The following NPAS3 variants were observed in gnomAD, a reference collection of about 807,000 sequenced individuals.
The protein encoded by NPAS3 is neuronal PAS domain protein 3.
In NPAS3, 14 loss-of-function variants were observed where a neutral mutation model predicts 73.1. That is an observed-to-expected ratio of 0.19 (90% confidence interval 0.13 to 0.30). The LOEUF (loss-of-function observed/expected upper bound fraction) is 0.30. Among genes scored for constraint, NPAS3 ranks in the 10% least tolerant of loss-of-function variants. The pLI, the probability that NPAS3 is intolerant of heterozygous loss-of-function variation, is 1.00. For missense variants in NPAS3, 1,096 were observed against 1,250.0 expected, an observed-to-expected ratio of 0.88 and a Z score of 1.86; for synonymous variants, 620 against 541.5, an observed-to-expected ratio of 1.14 and a Z score of -2.01.
intron 1 of NPAS3, among the ~76,000 whole-genome samples, chr14:33,010,061 T>C (rs1233888515): frequency 6.6e-6 from 1 of 152,158 alleles, no homozygotes; most frequent in East Asian, 1.9e-4. Flanking sequence ...CATGGAACAG[T>C]GTCAGGCAAA....
intron 4 of NPAS3, among the ~76,000 whole-genome samples, chr14:33,532,811 A>C (rs1211157028): frequency 6.6e-6 from 1 of 152,142 alleles, no homozygotes; most frequent in East Asian, 1.9e-4. Context: ...ATAAGGTCTC[A>C]TTCTGCTTCA....
intron 4 of NPAS3, among the ~76,000 whole-genome samples, chr14:33,458,111 G>A (rs919637722): frequency 6.6e-6 from 1 of 152,196 alleles, no homozygotes; most frequent in Non-Finnish European, 1.5e-5. Flanking sequence ...ACCCTGGCCT[G>A]CCCGGTTGTC....
intron 4 of NPAS3, among the ~76,000 whole-genome samples, chr14:33,550,481 A>T (rs1301702826): frequency 6.6e-6 from 1 of 152,234 alleles, no homozygotes; most frequent in Admixed American, 6.5e-5. Context: ...ATAAAAATCT[A>T]TAATCTTTTT....
At chr14:33,161,296 C>T (rs1369767014) in intron 2 of NPAS3, among the ~76,000 whole-genome samples, 1 of 152,144 alleles carries the variant, frequency 6.6e-6, no homozygotes. Context: ...CTTTGCTTAA[C>T]ATTATGATTA....
chr14:33,030,463 AT>A (rs2039950366), intron 1 of NPAS3, among the ~76,000 whole-genome samples: 2 of 152,214 alleles, frequency 1.3e-5, no homozygotes, highest in South Asian at 4.1e-4. Flanking sequence ...ATCTCATTTT[AT>A]TCCCCAAAGA....
intron 4 of NPAS3, among the ~76,000 whole-genome samples, chr14:33,517,964 C>T (rs1019679927): frequency 5.9e-5 from 9 of 152,052 alleles, no homozygotes; most frequent in African/African-American, 1.9e-4. Context: ...AATATAGGTG[C>T]CCTCCTGCCA....
intron 6 of NPAS3, among the ~76,000 whole-genome samples, chr14:33,682,868 G>A (rs371439112): frequency 1.6e-4 from 24 of 152,264 alleles, no homozygotes; most frequent in Admixed American, 9.8e-4. Flanking sequence ...CTCCTGGCCC[G>A]ATAGCTGAGC....
intron 4 of NPAS3, among the ~76,000 whole-genome samples, chr14:33,409,234 C>T (rs866533928): frequency 3.3e-5 from 5 of 151,998 alleles, no homozygotes; most frequent in African/African-American, 9.7e-5. Flanking sequence ...TGAGATGGTA[C>T]AGAAGGATAG....
At chr14:33,722,280 A>G (rs907334558) in intron 6 of NPAS3, among the ~76,000 whole-genome samples, 9 of 152,186 alleles carry the variant, frequency 5.9e-5, no homozygotes, top group African/African-American at 2.2e-4. Context: ...TGTTTTGCCC[A>G]TGGTTTGAGA....
downstream of NPAS3, chr14:33,803,666 A>G (rs2063765904): frequency 1.3e-5 from 2 of 151,792 alleles, no homozygotes; most frequent in Admixed American, 1.3e-4. Flanking sequence ...CTAACAGATA[A>G]TCACAGCTGC....
intron 6 of NPAS3, among the ~76,000 whole-genome samples, chr14:33,721,560 A>G (rs1026277464): frequency 6.6e-6 from 1 of 152,224 alleles, no homozygotes; most frequent in African/African-American, 2.4e-5. Context: ...AGTTAACATT[A>G]GTAGTAATCA....
intron 3 of NPAS3, among the ~76,000 whole-genome samples, chr14:33,307,978 T>C (rs1379309281): frequency 6.6e-6 from 1 of 152,156 alleles, no homozygotes; most frequent in Non-Finnish European, 1.5e-5. Flanking sequence ...TGCTGTCTGC[T>C]CTGCGACTTG....
upstream of NPAS3, among the ~76,000 whole-genome samples, chr14:32,938,332 C>A (rs1006107638): frequency 1.3e-5 from 2 of 151,974 alleles, no homozygotes; most frequent in Non-Finnish European, 2.9e-5. Context: ...CTGTGGCCTC[C>A]CAGTTCCTTT....
rs1386857789 is a variant in NPAS3 at position 33,181,600 on chromosome 14, T to G, written c.141-33582T>G. ...ATCTTTGAAAAATTTAGTAGTTGGG[T>G]AGATGATGCCCCATAATGCTTTTAT... On this transcript the variant is annotated intron_variant, in intron 2 of 11. Transcript: ENST00000356141. Among the ~76,000 whole-genome samples, 6 of 152,218 alleles carry G rather than the reference T, an allele frequency of 3.9e-5. No homozygotes were observed. In the East Asian group the frequency reaches 9.6e-4, roughly 24 times the overall value.
intron 11 of NPAS3, among the ~76,000 whole-genome samples, chr14:33,798,119 C>T (rs2063567543): frequency 6.6e-6 from 1 of 152,120 alleles, no homozygotes; most frequent in Non-Finnish European, 1.5e-5. Flanking sequence ...TTCACATTCC[C>T]ACCAAGCTGG....
intron 1 of NPAS3, among the ~76,000 whole-genome samples, chr14:33,045,512 T>G (rs1220575623): frequency 6.6e-6 from 1 of 152,250 alleles, no homozygotes; most frequent in Non-Finnish European, 1.5e-5. Flanking sequence ...TCAAGTCAGA[T>G]AGTAAACGAG....
In NPAS3 at chr14:33,434,106, C is replaced by A. The variant is rs547289043; in HGVS notation, c.468+66838C>A. On this transcript the variant is annotated intron_variant, in intron 4 of 11. Transcript: ENST00000356141. The stretch of plus-strand genomic sequence containing the variant: ...ACTCAGGAGGCTGAGGCAGCAGAAC[C>A]GCTTGAACCCAGGAGGCGGAGGTTG... 3.3e-5 allele frequency among the ~76,000 whole-genome samples: 5 copies of A among 152,206 alleles called. No individual in the cohort carries two copies. In the East Asian group the frequency reaches 9.7e-4, roughly 29 times the overall value.
chr14:33,130,768 T>C (rs1342215812), intron 2 of NPAS3, among the ~76,000 whole-genome samples: 1 of 152,172 alleles, frequency 6.6e-6, no homozygotes, highest in Non-Finnish European at 1.5e-5. Flanking sequence ...GTTCTTCATT[T>C]TGTAACAAGC....
chr14:33,319,448 A>T (rs2140230462), intron 3 of NPAS3, among the ~76,000 whole-genome samples: 1 of 152,292 alleles, frequency 6.6e-6, no homozygotes, highest in African/African-American at 2.4e-5. Flanking sequence ...TATAAATTGT[A>T]TAATGGCGAG....
Sources: allele counts gnomAD v4.1 joint callset (sites outside exome capture counted in the v4.1 genomes callset), GRCh38; gene constraint gnomAD v4.1.1; transcripts MANE v1.5; gene names NCBI Gene and HGNC (gene_info 2026-07-23, HGNC 2026-07-21).